WDR7: variants seen among roughly 807,000 people sequenced by gnomAD.
The protein encoded by WDR7 is WD repeat-containing protein 7.
A neutral mutation model predicts 169.4 loss-of-function variants in WDR7; 46 were observed. The observed-to-expected ratio is 0.27, with a 90% CI of 0.21 to 0.35. The LOEUF is 0.35. Among genes scored for constraint, WDR7 ranks in the 10% least tolerant of loss-of-function variants. The pLI is 1.00. For synonymous variants in WDR7, 612 were observed against 666.8 expected, an observed-to-expected ratio of 0.92 and a Z score of 1.27; for missense variants, 1,534 against 1,859.3, an observed-to-expected ratio of 0.83 and a Z score of 3.22.
At chr18:56,784,937 C>G (rs1428411407) in intron 19 of WDR7, among the ~76,000 whole-genome samples, 1 of 150,766 alleles carries the variant, frequency 6.6e-6, no homozygotes, top group African/African-American at 2.4e-5. Context: ...TTGTGAAAGA[C>G]AAACATGCAT....
chr18:56,907,862 A>G (rs1466963252), intron 21 of WDR7, among the ~76,000 whole-genome samples: 2 of 152,066 alleles, frequency 1.3e-5, no homozygotes, highest in African/African-American at 4.8e-5. Flanking sequence ...TCGTAATACC[A>G]TCACCTTGGG....
intron 26 of WDR7, among the ~76,000 whole-genome samples, chr18:56,973,319 T>TGTAACTGA (rs1247293441): frequency 3.3e-5 from 5 of 152,262 alleles, no homozygotes; most frequent in Non-Finnish European, 5.9e-5. Flanking sequence ...GCAGTTGTTA[T>TGTAACTGA]AGGCATTTCA....
chr18:56,674,164 C>T (rs1264565428), intron 2 of WDR7, among the ~76,000 whole-genome samples: 5 of 152,232 alleles, frequency 3.3e-5, no homozygotes, highest in South Asian at 2.1e-4. Flanking sequence ...ATTGTGGGAT[C>T]GTATGGTAGG....
intron 19 of WDR7, among the ~76,000 whole-genome samples, chr18:56,786,976 T>A (rs535614607): frequency 9.0e-4 from 137 of 152,004 alleles, no homozygotes; most frequent in African/African-American, 3.2e-3. Flanking sequence ...TAAATAGGGA[T>A]TAATGTTATT....
At chr18:56,977,055 A>G (rs2047577229) in intron 26 of WDR7, among the ~76,000 whole-genome samples, 1 of 152,204 alleles carries the variant, frequency 6.6e-6, no homozygotes, top group African/African-American at 2.4e-5. Flanking sequence ...TTCTCTTTAA[A>G]GCAGCTTCTT....
rs2047421501 is a variant in WDR7 at position 56,967,188 on chromosome 18, G to GCCACCCT, written c.4164+4659_4164+4660insCCACCCT. The stretch of plus-strand genomic sequence containing the variant: ...CAGCCTGCTCAATAGGGAGCGCTTG[G>GCCACCCT]GTGGAAAAGTTGAAGCAGCACTGCC... On this transcript the variant is annotated intron_variant, in intron 26 of 27. Transcript: ENST00000254442. Among the ~76,000 whole-genome samples the GCCACCCT allele has an allele frequency of 1.2e-4, 18 of 151,564 alleles. 1 individual carries two copies. Among genetic ancestry groups the GCCACCCT allele is most frequent in the African/African-American group, 3.9e-4 (16 of 40,920 alleles).
chr18:56,932,092 G>A (rs903193724), intron 22 of WDR7, among the ~76,000 whole-genome samples: 6 of 152,048 alleles, frequency 3.9e-5, no homozygotes, highest in South Asian at 4.1e-4. Context: ...GGGACACAAG[G>A]TTTCTCCCTA....
intron 16 of WDR7, among the ~76,000 whole-genome samples, chr18:56,774,480 C>T (rs370082142): frequency 8.5e-5 from 13 of 152,212 alleles, no homozygotes; most frequent in African/African-American, 3.1e-4. Flanking sequence ...GCTGTTTTCC[C>T]AATCCTTAAT....
At chr18:56,821,054 A>G (rs2045086279) in intron 20 of WDR7, among the ~76,000 whole-genome samples, 1 of 152,206 alleles carries the variant, frequency 6.6e-6, no homozygotes, top group Non-Finnish European at 1.5e-5. Context: ...TACTCATTCA[A>G]TCAGTAAATA....
chr18:56,867,609 T>C (rs1318591455), intron 20 of WDR7, among the ~76,000 whole-genome samples: 1 of 152,140 alleles, frequency 6.6e-6, no homozygotes, highest in Non-Finnish European at 1.5e-5. Context: ...TTAAAATTAG[T>C]TTTGGAAAAA....
chr18:56,838,215 T>C (rs1329992321), intron 20 of WDR7, among the ~76,000 whole-genome samples: 1 of 152,208 alleles, frequency 6.6e-6, no homozygotes, highest in Non-Finnish European at 1.5e-5. Context: ...TTATTATTTT[T>C]TTTTTGCCTT....
At chr18:56,984,456 T>G (rs1305263304) in intron 26 of WDR7, among the ~76,000 whole-genome samples, 1 of 152,322 alleles carries the variant, frequency 6.6e-6, no homozygotes, top group South Asian at 2.1e-4. Context: ...TAGTTTTAGT[T>G]CTTATTTACC....
At chr18:56,846,614 A>G (rs1193274502) in intron 20 of WDR7, among the ~76,000 whole-genome samples, 1 of 152,172 alleles carries the variant, frequency 6.6e-6, no homozygotes, top group Non-Finnish European at 1.5e-5. Flanking sequence ...AAACGGACTA[A>G]TACAAATGGC....
intron 20 of WDR7, among the ~76,000 whole-genome samples, chr18:56,849,617 G>A (rs960735925): frequency 2.0e-5 from 3 of 152,106 alleles, no homozygotes; most frequent in Non-Finnish European, 4.4e-5. Flanking sequence ...ACTTTGATTT[G>A]TAGTCTCTGA....
intron 25 of WDR7, among the ~76,000 whole-genome samples, chr18:56,953,041 C>A (rs1237633989): frequency 6.6e-6 from 1 of 152,106 alleles, no homozygotes; most frequent in Non-Finnish European, 1.5e-5. Flanking sequence ...ATAGAATGTA[C>A]AAAACCAAGA....
Position 56,762,708 on chromosome 18 carries a change from A to T in WDR7, c.2848+3755A>T, listed in dbSNP as rs1380300838. On this transcript the variant is annotated intron_variant, in intron 16 of 27. Transcript: ENST00000254442. Reference sequence around the variant, plus strand: ...TAGTCATTTTAATGACCTCAATTTGACTTTATCCTTTCTAGTGCATATTTT... The same window carrying T: ...TAGTCATTTTAATGACCTCAATTTGTCTTTATCCTTTCTAGTGCATATTTT... 2.6e-5 allele frequency among the ~76,000 whole-genome samples: 4 copies of T among 151,928 alleles called. No individual in the cohort carries two copies. In the East Asian group the frequency reaches 7.7e-4, roughly 29 times the overall value.
Position 57,027,042 on chromosome 18 carries a change from C to T in WDR7, c.4308C>T (p.Asn1436=). 6.2e-7 allele frequency: 1 copy of T among 1,614,124 alleles called. No homozygotes were observed. Among genetic ancestry groups the T allele is most frequent in the South Asian group, 1.1e-5 (1 of 91,072 alleles). The part of the protein sequence containing the change: ...TSLLGSIGML[N]SAPQLRCIKT... ...TGCTGGGAAGCATCGGCATGCTGAA[C>T]TCGGCACCTCAGCTGCGCTGCATTA... The change falls in exon 28 of 28, where the codon AAC becomes AAT. Residue 1436 remains asparagine, a synonymous_variant. Coordinates refer to ENST00000254442, the MANE Select transcript of WDR7 (RefSeq NM_015285.3).
intron 20 of WDR7, among the ~76,000 whole-genome samples, chr18:56,822,080 G>C (rs1239057265): frequency 6.6e-6 from 1 of 152,118 alleles, no homozygotes; most frequent in African/African-American, 2.4e-5. Flanking sequence ...GTGTGCTACT[G>C]TGTCCATCTA....
At chr18:56,816,310 G>A (rs1172269346) in intron 20 of WDR7, among the ~76,000 whole-genome samples, 166 bp downstream of exon 20, 1 of 152,144 alleles carries the variant, frequency 6.6e-6, no homozygotes, top group Admixed American at 6.5e-5. Flanking sequence ...TTAATTTTGA[G>A]GTGAAAAGAA....
Sources: gnomAD v4.1 joint callset for allele counts (sites outside exome capture counted in the v4.1 genomes callset) on GRCh38, gnomAD v4.1.1 for gene constraint, MANE v1.5 for transcripts, NCBI Gene and HGNC (gene_info 2026-07-23, HGNC 2026-07-21) for gene names.